The following SEMA5A variants were observed in gnomAD, a reference collection of about 807,000 sequenced individuals.
SEMA5A encodes the protein semaphorin 5A.
In SEMA5A, 55 loss-of-function variants were observed where a neutral mutation model predicts 135.5. That is an observed-to-expected ratio of 0.41 (90% CI 0.33 to 0.51). The LOEUF is 0.51. Among genes scored for constraint, SEMA5A ranks in the 20% least tolerant of loss-of-function variants. SEMA5A has a pLI of 0.37. For missense variants in SEMA5A, 1,290 were observed against 1,419.9 expected, an observed-to-expected ratio of 0.91 and a Z score of 1.47; for synonymous variants, 580 against 546.5, an observed-to-expected ratio of 1.06 and a Z score of -0.85.
At chr5:9,210,650 G>A (rs1746296625) in intron 8 of SEMA5A, among the ~76,000 whole-genome samples, 1 of 152,140 alleles carries the variant, frequency 6.6e-6, no homozygotes, top group African/African-American at 2.4e-5. Context: ...GAGGAAGGGT[G>A]CAAGCTCTGG....
rs115733143 is a variant in SEMA5A at position 9,335,928 on chromosome 5, T to C, written c.224+1785A>G. On this transcript the variant is annotated intron_variant, in intron 4 of 22. Transcript: ENST00000382496. ...AAAGACAGGCACTTCCCTTGCCTTC[T>C]GGTAAGTCACCATCTGATAAGGGTG... is the stretch of plus-strand genomic sequence containing the variant. 3.3e-3 allele frequency among the ~76,000 whole-genome samples: 507 copies of C among 152,264 alleles called. 3 individuals are homozygous for C. The highest frequency in any genetic ancestry group is 0.012 in the African/African-American group (495 of 41,552).
intron 12 of SEMA5A, among the ~76,000 whole-genome samples, chr5:9,148,597 C>T (rs1245010779): frequency 6.6e-6 from 1 of 152,206 alleles, no homozygotes; most frequent in African/African-American, 2.4e-5. Context: ...CTTTCTGCCC[C>T]TTCATATACC....
At chr5:9,219,332 A>G (rs1012338304) in intron 8 of SEMA5A, among the ~76,000 whole-genome samples, 3 of 152,162 alleles carry the variant, frequency 2.0e-5, no homozygotes, top group African/African-American at 7.2e-5. Flanking sequence ...GGGTCTGGAA[A>G]GAGAGGGAAG....
chr5:9,094,364 G>T (rs1380693438), intron 16 of SEMA5A, among the ~76,000 whole-genome samples: 2 of 152,218 alleles, frequency 1.3e-5, no homozygotes, highest in Non-Finnish European at 2.9e-5. Context: ...AGAAATTAAT[G>T]ATCAAAGATG....
chr5:9,222,250 T>C (rs73046666), intron 8 of SEMA5A, among the ~76,000 whole-genome samples: 3,975 of 152,234 alleles, frequency 0.026, 178 homozygotes, highest in African/African-American at 0.091. Context: ...CTAGTGTGGT[T>C]AGAGACCAGA....
At chr5:9,236,165 G>A (rs1747896585) in intron 6 of SEMA5A, among the ~76,000 whole-genome samples, 1 of 152,076 alleles carries the variant, frequency 6.6e-6, no homozygotes, top group African/African-American at 2.4e-5. Flanking sequence ...ATTCAAGATG[G>A]AGTTTGGTGG....
chr5:9,379,427 A>G (rs892501833), intron 3 of SEMA5A, among the ~76,000 whole-genome samples: 2 of 152,200 alleles, frequency 1.3e-5, no homozygotes, highest in Non-Finnish European at 2.9e-5. Context: ...ACAAAGGGCT[A>G]GGTTTGTGGC....
At chr5:9,096,922 T>C (rs1157657218) in intron 16 of SEMA5A, among the ~76,000 whole-genome samples, 3 of 152,040 alleles carry the variant, frequency 2.0e-5, no homozygotes, top group Non-Finnish European at 4.4e-5. Context: ...GGACAGGTAC[T>C]CTCTATGATG....
intron 5 of SEMA5A, among the ~76,000 whole-genome samples, chr5:9,309,568 T>C (rs1195700310): frequency 1.3e-5 from 2 of 152,076 alleles, no homozygotes; most frequent in African/African-American, 2.4e-5. Flanking sequence ...TCTGGAGGCA[T>C]GGATTGAAGA....
intron 8 of SEMA5A, among the ~76,000 whole-genome samples, chr5:9,207,102 GTATATATATA>G (rs70943947): frequency 0.24 from 23,146 of 97,654 alleles, 2,894 homozygotes; most frequent in South Asian, 0.38. Context: ...ATGATCAAGT[GTATATATATA>G]TATATATATA....
chr5:9,273,787 G>A (rs2150547312), intron 5 of SEMA5A, among the ~76,000 whole-genome samples: 1 of 152,174 alleles, frequency 6.6e-6, no homozygotes, highest in Admixed American at 6.5e-5. Context: ...ACAAGCAAAT[G>A]CTGAGAGATT....
intron 8 of SEMA5A, among the ~76,000 whole-genome samples, chr5:9,220,522 G>A (rs569168800): frequency 4.1e-4 from 63 of 151,862 alleles, no homozygotes; most frequent in Non-Finnish European, 8.2e-4. Flanking sequence ...CTGTGCCCCA[G>A]AAATTATTGA....
rs551741892 is a variant in SEMA5A, at chr5:9,506,164, G to T, written c.-175+39420C>A. On this transcript the variant is annotated intron_variant, in intron 1 of 22. Coordinates refer to ENST00000382496, the MANE Select transcript of SEMA5A (RefSeq NM_003966.3). ...GCAATAGACAAAGGCCAATTTAGTT[G>T]CAAAAGTTTTAATTTTATTTTAGCT... 2.0e-5 allele frequency among the ~76,000 whole-genome samples: 3 copies of T among 152,288 alleles called. No homozygotes were observed. In the South Asian group the frequency reaches 6.2e-4, roughly 32 times the overall value.
At chr5:9,294,577 C>T (rs547894973) in intron 5 of SEMA5A, among the ~76,000 whole-genome samples, 2 of 152,270 alleles carry the variant, frequency 1.3e-5, no homozygotes, top group South Asian at 2.1e-4. Flanking sequence ...TATACCTTGA[C>T]GAAAACTCTC....
intron 6 of SEMA5A, 94 bp downstream of exon 6, chr5:9,237,734 C>A: frequency 3.6e-6 from 4 of 1,123,136 alleles, no homozygotes; most frequent in Non-Finnish European, 5.2e-6. Flanking sequence ...TACATGGCAC[C>A]GTAATCAGGA....
chr5:9,200,274 G>A (rs1000019490), intron 9 of SEMA5A, among the ~76,000 whole-genome samples: 1 of 152,206 alleles, frequency 6.6e-6, no homozygotes, highest in Non-Finnish European at 1.5e-5. Flanking sequence ...GTCTAGAGTA[G>A]TCTGAAACTT....
chr5:9,057,610 G>T (rs1008338727), intron 18 of SEMA5A, among the ~76,000 whole-genome samples: 1 of 152,168 alleles, frequency 6.6e-6, no homozygotes, highest in African/African-American at 2.4e-5. Context: ...AGAGCATTTG[G>T]AACAGAATCC....
intron 2 of SEMA5A, among the ~76,000 whole-genome samples, chr5:9,381,367 G>A (rs1755599884): frequency 6.6e-6 from 1 of 152,180 alleles, no homozygotes; most frequent in Admixed American, 6.5e-5. Context: ...ATTAGAGATG[G>A]CCACAGATTC....
At position 9,038,926 on chromosome 5, in the gene SEMA5A, C is replaced by T. The variant is rs1412517923; in HGVS notation, c.*3971G>A. Reference sequence around the variant, plus strand: ...GTATATTTTGTAGAGATGGAGTTTCCCCATGTTGCCCAGGCTGGTCTCAAA... The same window carrying T: ...GTATATTTTGTAGAGATGGAGTTTCTCCATGTTGCCCAGGCTGGTCTCAAA... On this transcript the variant is annotated 3_prime_UTR_variant, in exon 23 of 23. Transcript: ENST00000382496. 6.6e-6 allele frequency: 1 copy of T among 151,870 alleles called. No individual in the cohort carries two copies. 9.4% of individuals were successfully genotyped at this position (151,870 alleles called of 1,614,324 possible).
Sources: allele counts gnomAD v4.1 joint callset (sites outside exome capture counted in the v4.1 genomes callset), GRCh38; gene constraint gnomAD v4.1.1; transcripts MANE v1.5; gene names NCBI Gene and HGNC (gene_info 2026-07-23, HGNC 2026-07-21).